URB2: variants seen among roughly 807,000 people sequenced by gnomAD.
URB2 encodes the protein unhealthy ribosome biogenesis protein 2 homolog.
A neutral mutation model predicts 120.9 loss-of-function variants in URB2; 86 were observed. The ratio of observed to expected loss-of-function variants is 0.71; its 90% CI spans 0.60 to 0.85. URB2 has a LOEUF of 0.85. Among genes scored for constraint, URB2 ranks in the 40% least tolerant of loss-of-function variants. The pLI is 0.00. For missense variants in URB2, 1,765 were observed against 1,836.5 expected, an observed-to-expected ratio of 0.96 and a Z score of 0.71; for synonymous variants, 755 against 758.4, an observed-to-expected ratio of 1.00 and a Z score of 0.07.
rs765227541 is a variant in URB2 at position 229,637,817 on chromosome 1, A to C, written c.3204A>C (p.Gly1068=). 6.8e-5 allele frequency: 109 copies of C among 1,611,212 alleles called. No individual in the cohort carries two copies. Among genetic ancestry groups the C allele is most frequent in the Middle Eastern group, 6.6e-4 (4 of 6,070 alleles). ...VSLTRLCHVL[G]PFLKEQKLGQ... is the part of the protein sequence containing the mutation. ...TAACCAGGTTGTGCCATGTCCTGGGACCTTTCCTCAAAGAGCAGAAGCTGG... is the reference window on the plus strand; with the variant it reads ...TAACCAGGTTGTGCCATGTCCTGGGCCCTTTCCTCAAAGAGCAGAAGCTGG... The change falls in exon 4 of 10, where the codon GGA becomes GGC. Residue 1068 remains glycine (G), a synonymous_variant. Coordinates refer to ENST00000258243, the MANE Select transcript of URB2 (RefSeq NM_014777.4).
At chr1:229,628,145 TA>T (rs1665565285) in intron 2 of URB2, among the ~76,000 whole-genome samples, 3 of 133,320 alleles carry the variant, frequency 2.3e-5, no homozygotes, top group African/African-American at 8.7e-5. Context: ...AATATATATA[TA>T]ATATATATAG....
At chr1:229,641,131 G>GC (rs1666001046) in intron 4 of URB2, among the ~76,000 whole-genome samples, 1 of 151,226 alleles carries the variant, frequency 6.6e-6, no homozygotes. Flanking sequence ...CCATGCCTCG[G>GC]CCTCCTGAGT....
At chr1:229,656,988 G>A (rs894773657) in intron 9 of URB2, among the ~76,000 whole-genome samples, 4 of 152,300 alleles carry the variant, frequency 2.6e-5, no homozygotes, top group African/African-American at 7.2e-5. Context: ...TGAAAAAATC[G>A]TAAGTTGAAC....
At position 229,647,554 on chromosome 1, in the gene URB2, A is replaced by G. The variant is rs2102795140; in HGVS notation, c.3951A>G (p.Thr1317=). 1 of 1,614,118 alleles carries G rather than the reference A, an allele frequency of 6.2e-7. No homozygotes were observed. The highest frequency in any genetic ancestry group is 8.5e-7 in the Non-Finnish European group (1 of 1,180,020). Residue 1317 remains threonine (T), a synonymous_variant, in exon 7 of 10, where the codon ACA becomes ACG. Transcript: ENST00000258243. ...CTCAGGAGCAGCCTGTGTCCCTCAC[A>G]GTGGTCGGGCCTGTCTTAGATGTCC... ...EASQEQPVSL[T]VVGPVLDVLA... is the part of the protein sequence containing the mutation.
chr1:229,646,450 G>A (rs1666148657), intron 6 of URB2, among the ~76,000 whole-genome samples: 2 of 152,112 alleles, frequency 1.3e-5, no homozygotes. Flanking sequence ...ATAGGTGCAT[G>A]CCACTGCAGC....
In URB2 at chr1:229,636,771, A is replaced by T. The variant is rs778029637; in HGVS notation, c.2158A>T (p.Thr720Ser). ...SGRKSLNQRT[T>S]ASWDGQVGMV... is the part of the protein sequence containing the mutation. Reference sequence around the variant, plus strand: ...CAGAAAAAGCTTGAATCAGAGAACGACGGCTTCCTGGGATGGCCAAGTTGG... The same window carrying T: ...CAGAAAAAGCTTGAATCAGAGAACGTCGGCTTCCTGGGATGGCCAAGTTGG... Residue 720 changes from threonine (T) to serine (S), a missense_variant, in exon 4 of 10, where the codon ACG becomes TCG. Transcript: ENST00000258243. 3 of 1,612,168 alleles carry T rather than the reference A, an allele frequency of 1.9e-6. No homozygotes were observed. The Admixed American group carries it at 5.0e-5, about 27-fold the overall frequency.
Position 229,654,244 on chromosome 1 carries a change from T to C in URB2, c.4238-5T>C, listed in dbSNP as rs1010252054. 1.2e-6 allele frequency: 2 copies of C among 1,613,442 alleles called. No individual in the cohort carries two copies. Among genetic ancestry groups the C allele is most frequent in the African/African-American group, 2.7e-5 (2 of 74,920 alleles). The stretch of plus-strand genomic sequence containing the variant: ...ATTGGTTGGGAAACACTTTGTTGTC[T>C]GTAGGAAGCATAGATGACCTGCCTA... On this transcript the variant is annotated splice_region_variant and splice_polypyrimidine_tract_variant and intron_variant, in intron 8 of 9. Transcript: ENST00000258243.
At chr1:229,654,170 A>G (rs755256840) in intron 8 of URB2, 79 bp from the exon 9 acceptor site, 7 of 1,570,490 alleles carry the variant, frequency 4.5e-6, no homozygotes, top group Non-Finnish European at 6.1e-6. Flanking sequence ...ATTTTCACCC[A>G]TATTAAAAGT....
At chr1:229,627,857 G>C in intron 2 of URB2, 98 bp downstream of exon 2, 2 of 1,406,246 alleles carry the variant, frequency 1.4e-6, no homozygotes, top group Admixed American at 5.3e-5. Context: ...AAAAAATAGA[G>C]AAAAAGTTGG....
chr1:229,648,553 C>T (rs937315368), intron 7 of URB2, among the ~76,000 whole-genome samples: 2 of 151,490 alleles, frequency 1.3e-5, no homozygotes, highest in Non-Finnish European at 2.9e-5. Context: ...AATTACAGTT[C>T]AGTTAACATT....
At chr1:229,644,647 AGT>A (rs1666094180) in intron 5 of URB2, among the ~76,000 whole-genome samples, 1 of 151,840 alleles carries the variant, frequency 6.6e-6, no homozygotes, top group African/African-American at 2.4e-5. Context: ...TGGGCAGGAG[AGT>A]GGGAGTGGAG....
In URB2 at chr1:229,647,450, TTTGTG is replaced by T. The variant is rs1666171064; in HGVS notation, c.3907-57_3907-53del. On this transcript the variant is annotated intron_variant, in intron 6 of 9. Transcript: ENST00000258243. Reference sequence around the variant, plus strand: ...ACCTCAGTCACTCAGAGCTGCAGTGTTTGTGTTATTTCCTTGGGGAATTACTTTCA... The same window carrying T: ...ACCTCAGTCACTCAGAGCTGCAGTGTTTATTTCCTTGGGGAATTACTTTCA... 3.8e-6 allele frequency: 6 copies of T among 1,570,880 alleles called. No homozygotes were observed. In the South Asian group the frequency reaches 7.1e-5, roughly 19 times the overall value.
At chr1:229,638,598 A>G (rs1409109998) in intron 4 of URB2, among the ~76,000 whole-genome samples, 2 of 151,750 alleles carry the variant, frequency 1.3e-5, no homozygotes, top group African/African-American at 2.4e-5. Flanking sequence ...GTGAGCCAAG[A>G]TCGCGCCACT....
chr1:229,657,860 C>T (rs1053886460), intron 9 of URB2, among the ~76,000 whole-genome samples: 2 of 152,176 alleles, frequency 1.3e-5, no homozygotes, highest in Admixed American at 6.5e-5. Flanking sequence ...TGGTTGCCTT[C>T]GTGAATCAGT....
At chr1:229,648,646 G>A (rs564442901) in intron 7 of URB2, among the ~76,000 whole-genome samples, 81 of 152,286 alleles carry the variant, frequency 5.3e-4, no homozygotes, top group Non-Finnish European at 1.1e-3. Context: ...GTAAACTGAG[G>A]CTCAGTGCCG....
chr1:229,630,576 G>A (rs1665632432), intron 2 of URB2, among the ~76,000 whole-genome samples: 1 of 152,140 alleles, frequency 6.6e-6, no homozygotes, highest in Non-Finnish European at 1.5e-5. Flanking sequence ...GTGATTTTGG[G>A]GATGGTAAAT....
At chr1:229,648,800 T>C (rs1326442012) in intron 7 of URB2, among the ~76,000 whole-genome samples, 11 of 152,238 alleles carry the variant, frequency 7.2e-5, no homozygotes, top group Non-Finnish European at 1.5e-4. Flanking sequence ...CGACGGTTAA[T>C]GCATCGCTTA....
chr1:229,650,015 A>G (rs1666230168), intron 7 of URB2, among the ~76,000 whole-genome samples: 1 of 152,258 alleles, frequency 6.6e-6, no homozygotes, highest in Admixed American at 6.5e-5. Context: ...ATACTTTTGC[A>G]AAAACGACTT....
At chr1:229,639,626 A>G (rs1665952034) in intron 4 of URB2, among the ~76,000 whole-genome samples, 1 of 152,228 alleles carries the variant, frequency 6.6e-6, no homozygotes, top group East Asian at 1.9e-4. Context: ...GTGAGCCACC[A>G]TGTCCAGCCA....
Sources: gnomAD v4.1 joint callset for allele counts (sites outside exome capture counted in the v4.1 genomes callset) on GRCh38, gnomAD v4.1.1 for gene constraint, MANE v1.5 for transcripts, NCBI Gene and HGNC (gene_info 2026-07-23, HGNC 2026-07-21) for gene names.